Variants in NADK2 observed in about 807,000 individuals in gnomAD.
NADK2 encodes NAD kinase domain-containing protein 1, mitochondrial.
In NADK2, 35 loss-of-function variants were observed where a neutral mutation model predicts 62.1. The observed-to-expected ratio is 0.56, with a 90% confidence interval of 0.43 to 0.75. The LOEUF (loss-of-function observed/expected upper bound fraction) is 0.75, where lower values mean the gene tolerates loss of function less well. NADK2 is among the 30% of genes least tolerant of loss of function. The pLI is 0.00. For missense variants in NADK2, 439 were observed against 561.3 expected (o/e 0.78, Z 2.20); for synonymous variants, 205 against 207.9 (o/e 0.99, Z 0.12).
At chr5:36,230,891 G>T (rs1200003787) in intron 1 of NADK2, among the ~76,000 whole-genome samples, 1 of 152,152 alleles carries the variant, frequency 6.6e-6, no homozygotes, top group African/African-American at 2.4e-5. Flanking sequence ...ACTGCAAACT[G>T]CCAAAGACAA....
At chr5:36,229,201 A>G (rs1747613830) in intron 1 of NADK2, among the ~76,000 whole-genome samples, 1 of 19,778 alleles carries the variant, frequency 5.1e-5, no homozygotes, top group South Asian at 2.4e-3. Flanking sequence ...TTGCTTTGTA[A>G]TTTTCGTTAT....
chr5:36,228,903 G>A (rs1747598699), intron 1 of NADK2, among the ~76,000 whole-genome samples: 1 of 151,970 alleles, frequency 6.6e-6, no homozygotes, highest in African/African-American at 2.4e-5. Flanking sequence ...GGGGTTACAG[G>A]TGTGAGCCAT....
At chr5:36,227,065 TG>T (rs758047545) in intron 2 of NADK2, among the ~76,000 whole-genome samples, 14 of 152,216 alleles carry the variant, frequency 9.2e-5, no homozygotes, top group Non-Finnish European at 1.9e-4. Flanking sequence ...CACATATAAT[TG>T]TGTTTAGTTC....
At position 36,194,072 on chromosome 5, in the gene NADK2, T is replaced by C. The variant is rs576684734; in HGVS notation, c.*1072A>G. 8 of 152,190 alleles carry C rather than the reference T, an allele frequency of 5.3e-5. No individual in the cohort carries two copies. Among genetic ancestry groups the C allele is most frequent in the African/African-American group, 1.9e-4 (8 of 41,498 alleles). 9.4% of individuals were successfully genotyped at this position (152,190 alleles called of 1,614,324 possible). ...CAAAAATTCTAGGATTACTTATAAG[T>C]AGATCAATAATTAGATAATAATTTC... On this transcript the variant is annotated 3_prime_UTR_variant, in exon 12 of 12. Coordinates refer to ENST00000381937, the MANE Select transcript of NADK2 (RefSeq NM_001085411.3).
At chr5:36,240,368 G>C (rs1748061246) in intron 1 of NADK2, among the ~76,000 whole-genome samples, 2 of 152,222 alleles carry the variant, frequency 1.3e-5, no homozygotes, top group African/African-American at 4.8e-5. Flanking sequence ...CTTAAGCAAA[G>C]ATGATTTACA....
intron 1 of NADK2, among the ~76,000 whole-genome samples, chr5:36,237,509 T>C (rs906127018): frequency 2.0e-5 from 3 of 152,172 alleles, no homozygotes; most frequent in Non-Finnish European, 2.9e-5. Context: ...GAATGACAAA[T>C]GACAAGTAAC....
At chr5:36,201,445 C>T (rs188018326) in intron 8 of NADK2, among the ~76,000 whole-genome samples, 72 of 151,882 alleles carry the variant, frequency 4.7e-4, no homozygotes, top group Admixed American at 1.1e-3. Context: ...AAATATACCT[C>T]CATCTATAAT....
In NADK2 at chr5:36,241,209, C is replaced by G; in HGVS notation, c.300+290G>C. 3.0e-6 allele frequency: 1 copy of G among 333,774 alleles called. No homozygotes were observed. The highest frequency in any genetic ancestry group is 6.8e-5 in the East Asian group (1 of 14,730). 20.7% of individuals were successfully genotyped at this position (333,774 alleles called of 1,614,324 possible). A position where few individuals can be genotyped will look rare whatever the true frequency, so the allele number is the denominator to read the frequency against. On this transcript the variant is annotated intron_variant, in intron 1 of 11. Coordinates refer to ENST00000381937, the MANE Select transcript of NADK2 (RefSeq NM_001085411.3). The surrounding 1 kb of genome is among the most constrained non-coding windows in gnomAD (Gnocchi z 4.9). ...TCAAACCCCTCACTCTGAGGCCACTCGGCAGCCCCTCTTCGCCCTCCCCGC... is the reference window on the plus strand; with the variant it reads ...TCAAACCCCTCACTCTGAGGCCACTGGGCAGCCCCTCTTCGCCCTCCCCGC...
At chr5:36,238,822 T>C (rs1748002605) in intron 1 of NADK2, among the ~76,000 whole-genome samples, 1 of 152,204 alleles carries the variant, frequency 6.6e-6, no homozygotes, top group Admixed American at 6.5e-5. Flanking sequence ...TAAAGCAATG[T>C]AACCAATATG....
At chr5:36,197,262 C>G (rs1010140791) in intron 11 of NADK2, among the ~76,000 whole-genome samples, 2 of 151,926 alleles carry the variant, frequency 1.3e-5, no homozygotes, top group African/African-American at 4.8e-5. Context: ...ATTGTGTCTT[C>G]GTTCATTTTT....
At chr5:36,230,614 G>A (rs1367111576) in intron 1 of NADK2, among the ~76,000 whole-genome samples, 1 of 152,224 alleles carries the variant, frequency 6.6e-6, no homozygotes, top group African/African-American at 2.4e-5. Context: ...TTCCAGAAAA[G>A]CAAGAATAGT....
intron 8 of NADK2, among the ~76,000 whole-genome samples, chr5:36,202,238 C>T (rs1417183932): frequency 6.6e-6 from 1 of 152,056 alleles, no homozygotes; most frequent in Non-Finnish European, 1.5e-5. Context: ...ACCTCTACTA[C>T]CAAACTGGAA....
At chr5:36,240,630 T>G (rs1056311587) in intron 1 of NADK2, among the ~76,000 whole-genome samples, 4 of 152,174 alleles carry the variant, frequency 2.6e-5, no homozygotes, top group Non-Finnish European at 4.4e-5. Context: ...CAGAAACTGT[T>G]TTTAAAGTTG....
intron 1 of NADK2, among the ~76,000 whole-genome samples, chr5:36,235,376 A>C (rs1317288390): frequency 6.6e-6 from 1 of 152,200 alleles, no homozygotes; most frequent in African/African-American, 2.4e-5. Flanking sequence ...TTGTGGCTAA[A>C]CTGGAATTAG....
intron 9 of NADK2, among the ~76,000 whole-genome samples, chr5:36,200,482 G>T (rs1032491240): frequency 6.6e-6 from 1 of 151,622 alleles, no homozygotes; most frequent in Non-Finnish European, 1.5e-5. Flanking sequence ...GCCCCCCCTC[G>T]CCCTTATTAG....
chr5:36,208,795 A>T (rs1329205009), intron 7 of NADK2: 2 of 741,060 alleles, frequency 2.7e-6, no homozygotes, highest in Admixed American at 5.7e-5. Flanking sequence ...GCTGCACTTC[A>T]TATTTTCCAA....
At chr5:36,238,554 G>C (rs1411503628) in intron 1 of NADK2, among the ~76,000 whole-genome samples, 2 of 152,088 alleles carry the variant, frequency 1.3e-5, no homozygotes, top group Non-Finnish European at 2.9e-5. Flanking sequence ...TGACCAATGA[G>C]GTATGTTTCT....
chr5:36,213,999 C>G (rs1296863022), intron 6 of NADK2, among the ~76,000 whole-genome samples: 1 of 152,044 alleles, frequency 6.6e-6, no homozygotes, highest in Non-Finnish European at 1.5e-5. Context: ...TGTGCTTGTT[C>G]AATTTCAATT....
rs917281355 is a variant in NADK2, at chr5:36,241,154, G to A, written c.300+345C>T. Among the ~76,000 whole-genome samples the A allele has an allele frequency of 6.6e-6, 1 of 152,196 alleles. No individual in the cohort carries two copies. The highest frequency in any genetic ancestry group is 1.9e-4 in the East Asian group (1 of 5,178). ...GAGTGGGTCCCAACCAGGGAACGAG[G>A]GCGGGGGCGGCGAGGGCACCAACGA... is the stretch of plus-strand genomic sequence containing the variant. On this transcript the variant is annotated intron_variant, in intron 1 of 11. Coordinates refer to ENST00000381937, the MANE Select transcript of NADK2 (RefSeq NM_001085411.3). This position sits in a 1 kb window ranked among gnomAD's most constrained non-coding sequence, Gnocchi z 4.9.
Sources: gnomAD v4.1 joint callset for allele counts (sites outside exome capture counted in the v4.1 genomes callset) on GRCh38, gnomAD v4.1.1 for gene constraint, Gnocchi (gnomAD v3.1) non-coding constraint, MANE v1.5 for transcripts, NCBI Gene and HGNC (gene_info 2026-07-23, HGNC 2026-07-21) for gene names.